Variants in RYR3 observed in about 807,000 individuals in gnomAD.
RYR3 encodes the protein ryanodine receptor 3, also known as brain ryanodine receptor-calcium release channel.
Under a neutral mutation model 584.3 loss-of-function variants are expected in RYR3, and 207 were observed. The ratio of observed to expected loss-of-function variants is 0.35; its 90% confidence interval spans 0.32 to 0.40. The LOEUF (loss-of-function observed/expected upper bound fraction) is 0.40, where lower values mean the gene tolerates loss of function less well. Ranked by LOEUF, RYR3 falls within the 10% of genes least tolerant of loss-of-function variation. The probability of loss-of-function intolerance (pLI) is 1.00; values close to 1 mark genes in which losing one functional copy is unlikely to be tolerated. For missense variants in RYR3, 5,616 were observed against 6,089.2 expected (o/e 0.92, Z 2.59); for synonymous variants, 2,416 against 2,248.5 (o/e 1.07, Z -2.11).
intron 20 of RYR3, among the ~76,000 whole-genome samples, chr15:33,628,153 G>A (rs953135697): frequency 6.6e-6 from 1 of 152,208 alleles, no homozygotes; most frequent in Non-Finnish European, 1.5e-5. Flanking sequence ...GCCTGACTTG[G>A]GAGTGATCAT....
At chr15:33,443,360 T>C (rs1022966725) in intron 1 of RYR3, among the ~76,000 whole-genome samples, 3 of 151,944 alleles carry the variant, frequency 2.0e-5, no homozygotes, top group Non-Finnish European at 2.9e-5. Flanking sequence ...GAAAGATCAG[T>C]GTGCCCTGGA....
intron 32 of RYR3, among the ~76,000 whole-genome samples, chr15:33,657,710 C>T (rs972184943): frequency 6.6e-6 from 1 of 152,214 alleles, no homozygotes; most frequent in Non-Finnish European, 1.5e-5. Flanking sequence ...TACTAGCAGT[C>T]TACTCCAACA....
At chr15:33,576,267 C>T (rs2058297494) in intron 12 of RYR3, among the ~76,000 whole-genome samples, 1 of 152,146 alleles carries the variant, frequency 6.6e-6, no homozygotes, top group Non-Finnish European at 1.5e-5. Flanking sequence ...GAACTCATTT[C>T]ATGAGGCCAG....
At chr15:33,694,385 C>T (rs2152761681) in intron 38 of RYR3, among the ~76,000 whole-genome samples, 1 of 148,058 alleles carries the variant, frequency 6.8e-6, no homozygotes, top group South Asian at 2.3e-4. Flanking sequence ...GCTGGGACTA[C>T]AGGCGCCCTC....
chr15:33,529,616 C>T (rs752556486), intron 3 of RYR3, among the ~76,000 whole-genome samples: 3 of 151,996 alleles, frequency 2.0e-5, no homozygotes, highest in Non-Finnish European at 4.4e-5. Context: ...TCTTTCTGTG[C>T]ATGTTTGGGG....
chr15:33,371,884 G>A (rs776901979), intron 1 of RYR3, among the ~76,000 whole-genome samples: 11 of 152,172 alleles, frequency 7.2e-5, no homozygotes, highest in Non-Finnish European at 1.3e-4. Context: ...CTAAGGCAGC[G>A]GTGATGGCTG....
chr15:33,478,931 A>C (rs1295513933), intron 2 of RYR3, among the ~76,000 whole-genome samples: 1 of 152,260 alleles, frequency 6.6e-6, no homozygotes, highest in Non-Finnish European at 1.5e-5. Context: ...GCCCTTTAAA[A>C]AGCCAGTGGC....
chr15:33,784,996 T>A (rs1189668742), intron 65 of RYR3, among the ~76,000 whole-genome samples: 1 of 152,142 alleles, frequency 6.6e-6, no homozygotes, highest in African/African-American at 2.4e-5. Context: ...GCTCCCACGA[T>A]TCCTTACAAA....
chr15:33,828,934 A>G (rs898887009), intron 85 of RYR3, among the ~76,000 whole-genome samples: 8 of 152,220 alleles, frequency 5.3e-5, no homozygotes, highest in African/African-American at 1.7e-4. Flanking sequence ...GGACAAGCCA[A>G]TACCTCACTT....
At chr15:33,704,545 C>T (rs923948296) in intron 42 of RYR3, among the ~76,000 whole-genome samples, 1 of 152,188 alleles carries the variant, frequency 6.6e-6, no homozygotes, top group Non-Finnish European at 1.5e-5. Context: ...TTCATGGTCT[C>T]TGCATCTAGA....
At position 33,820,805 on chromosome 15, in the gene RYR3, C is replaced by T; in HGVS notation, c.10808C>T (p.Thr3603Ile). 1 of 1,595,820 alleles carries T rather than the reference C, an allele frequency of 6.3e-7. No homozygotes were observed. The change falls in exon 78 of 104, where the codon ACA becomes ATA. Residue 3603 changes from threonine to isoleucine, a missense_variant. By Grantham distance (89) the Thr-to-Ile change is moderately conservative (BLOSUM62 -1). Coordinates refer to ENST00000634891, the MANE Select transcript of RYR3 (RefSeq NM_001036.6). The stretch of plus-strand genomic sequence containing the variant: ...GAAGAAGATGAAGACAAGGAAAAAA[C>T]ATTCGAAGTAAGTTCTCATGAAGAA... ...DEEEDEDKEKTFEEKEMEKQK... is the reference protein window; with the variant it reads ...DEEEDEDKEKIFEEKEMEKQK...
At chr15:33,526,374 T>A (rs944650169) in intron 3 of RYR3, among the ~76,000 whole-genome samples, 1 of 152,172 alleles carries the variant, frequency 6.6e-6, no homozygotes, top group African/African-American at 2.4e-5. Context: ...AACCAAATAT[T>A]TTCCTTCTGC....
At chr15:33,725,180 C>CACACACACACACACACACACACATAT (rs2068274448) in intron 45 of RYR3, among the ~76,000 whole-genome samples, 29 of 143,894 alleles carry the variant, frequency 2.0e-4, no homozygotes, top group Middle Eastern at 3.6e-3. Flanking sequence ...CACACACACA[C>CACACACACACACACACACACACATAT]ACACACACAC....
chr15:33,377,908 G>A (rs2040871819), intron 1 of RYR3, among the ~76,000 whole-genome samples: 2 of 151,528 alleles, frequency 1.3e-5, no homozygotes, highest in Admixed American at 1.3e-4. Context: ...AGCCTCCCCA[G>A]TAGCTGGGAC....
intron 31 of RYR3, among the ~76,000 whole-genome samples, chr15:33,651,441 A>T (rs1226374657): frequency 6.6e-6 from 1 of 152,266 alleles, no homozygotes; most frequent in Non-Finnish European, 1.5e-5. Context: ...GCCTGAGGGC[A>T]TTCACAGGAA....
intron 94 of RYR3, chr15:33,850,817 C>G (rs1005132023): frequency 6.6e-6 from 1 of 152,106 alleles, no homozygotes; most frequent in Non-Finnish European, 1.5e-5. Context: ...ATCTTCCCAA[C>G]CCACAGCTAT....
intron 36 of RYR3, among the ~76,000 whole-genome samples, chr15:33,665,485 C>T (rs978894231): frequency 6.6e-6 from 1 of 152,306 alleles, no homozygotes; most frequent in African/African-American, 2.4e-5. Context: ...ATCAGTGACC[C>T]GATGAGTGGA....
At chr15:33,424,850 T>C (rs1459244844) in intron 1 of RYR3, among the ~76,000 whole-genome samples, 1 of 152,164 alleles carries the variant, frequency 6.6e-6, no homozygotes, top group Non-Finnish European at 1.5e-5. Context: ...TGGTGGTGTG[T>C]GCGTGTAGCC....
At position 33,528,945 on chromosome 15, in the gene RYR3, G is replaced by A. The variant is rs150651270; in HGVS notation, c.280-1647G>A. Among the ~76,000 whole-genome samples, 66 of 152,290 alleles carry A rather than the reference G, an allele frequency of 4.3e-4. No homozygotes were observed. The East Asian group carries it at 0.012, about 28-fold the overall frequency. On this transcript the variant is annotated intron_variant, in intron 3 of 103. Transcript: ENST00000634891. ...GAAGTATAAGCTGGTCAGTGGATCC[G>A]TTTGAGATGTAGGACTGTTTTGGGA...
Sources: gnomAD v4.1 joint callset for allele counts (sites outside exome capture counted in the v4.1 genomes callset) on GRCh38, gnomAD v4.1.1 for gene constraint, MANE v1.5 for transcripts, NCBI Gene and HGNC (gene_info 2026-07-23, HGNC 2026-07-21) for gene names.